CACNA2D2: variants seen among roughly 807,000 people sequenced by gnomAD.
The protein encoded by CACNA2D2 is calcium voltage-gated channel auxiliary subunit alpha2delta 2, also known as voltage-dependent calcium channel subunit alpha-2/delta-2.
In CACNA2D2, 48 loss-of-function variants were observed where a neutral mutation model predicts 166.4. That is an observed-to-expected ratio of 0.29 (90% CI 0.23 to 0.37). The LOEUF (loss-of-function observed/expected upper bound fraction) is 0.37, where lower values mean the gene tolerates loss of function less well. Among genes scored for constraint, CACNA2D2 ranks in the 10% least tolerant of loss-of-function variants. CACNA2D2 has a pLI of 1.00. For synonymous variants in CACNA2D2, 561 were observed against 573.7 expected (o/e 0.98, Z 0.32); for missense variants, 1,122 against 1,433.0 (o/e 0.78, Z 3.50).
At chr3:50,446,373 C>G (rs1708847785) in intron 2 of CACNA2D2, among the ~76,000 whole-genome samples, 1 of 152,230 alleles carries the variant, frequency 6.6e-6, no homozygotes, top group East Asian at 1.9e-4. Flanking sequence ...AACTGAGGCA[C>G]AGAGAGTAAC....
intron 1 of CACNA2D2, among the ~76,000 whole-genome samples, chr3:50,499,115 G>A (rs1424652982): frequency 2.6e-5 from 4 of 152,226 alleles, no homozygotes; most frequent in Non-Finnish European, 5.9e-5. Flanking sequence ...GTGGCCCAAT[G>A]TCTTCCTCAA....
At chr3:50,388,237 A>T (rs1176530532) in intron 4 of CACNA2D2, among the ~76,000 whole-genome samples, 1 of 152,020 alleles carries the variant, frequency 6.6e-6, no homozygotes, top group African/African-American at 2.4e-5. Flanking sequence ...CGTCATAATC[A>T]CCGGCCGCCC....
intron 36 of CACNA2D2, 28 bp from the exon 37 acceptor site, chr3:50,364,998 C>T: frequency 1.3e-6 from 2 of 1,583,048 alleles, no homozygotes. Flanking sequence ...GTCAAGGAGG[C>T]GGACGGCGGC....
chr3:50,474,323 G>GT (rs1397776225), intron 2 of CACNA2D2, among the ~76,000 whole-genome samples: 3 of 152,296 alleles, frequency 2.0e-5, no homozygotes, highest in Middle Eastern at 3.4e-3. Flanking sequence ...AAAAAGGGGC[G>GT]TATCTGTATC....
chr3:50,381,466 C>T (rs587629208), intron 6 of CACNA2D2, among the ~76,000 whole-genome samples: 2 of 152,222 alleles, frequency 1.3e-5, no homozygotes, highest in East Asian at 3.9e-4. Context: ...CAGCATGCTG[C>T]CTGGAGCTAG....
chr3:50,450,133 T>C (rs1342742321), intron 2 of CACNA2D2, among the ~76,000 whole-genome samples: 1 of 152,168 alleles, frequency 6.6e-6, no homozygotes, highest in Non-Finnish European at 1.5e-5. Flanking sequence ...GAAAGCCCAA[T>C]ATTCTTGATT....
intron 1 of CACNA2D2, among the ~76,000 whole-genome samples, chr3:50,494,039 T>G (rs1213807774): frequency 2.0e-5 from 3 of 152,158 alleles, no homozygotes; most frequent in Non-Finnish European, 4.4e-5. Flanking sequence ...ATGGCAGGTT[T>G]CTGGGGTGCA....
At chr3:50,404,513 C>G (rs1706599646) in intron 3 of CACNA2D2, among the ~76,000 whole-genome samples, 1 of 152,210 alleles carries the variant, frequency 6.6e-6, no homozygotes, top group African/African-American at 2.4e-5. Flanking sequence ...CTCAGCACCC[C>G]TGCCCTGGTG....
chr3:50,498,721 G>A lies in CACNA2D2; in HGVS notation c.206+4497C>T, dbSNP rs564201005. Among the ~76,000 whole-genome samples the A allele has an allele frequency of 4.6e-5, 7 of 152,304 alleles. No homozygotes were observed. In the South Asian group the frequency reaches 1.2e-3, roughly 27 times the overall value. ...CAGAGGAGGAAAGAGAGACAGACAG[G>A]GCAAAGTTACAGCTGGAAGTCCCAG... On this transcript the variant is annotated intron_variant, in intron 1 of 37. Transcript: ENST00000424201.
intron 6 of CACNA2D2, among the ~76,000 whole-genome samples, chr3:50,383,848 G>A (rs1301158832): frequency 2.0e-5 from 3 of 152,196 alleles, no homozygotes; most frequent in Admixed American, 6.5e-5. Flanking sequence ...GGGTGGTGAG[G>A]AGTTGCTTCA....
At chr3:50,437,698 T>G (rs547435096) in intron 2 of CACNA2D2, among the ~76,000 whole-genome samples, 1 of 152,146 alleles carries the variant, frequency 6.6e-6, no homozygotes, top group African/African-American at 2.4e-5. Flanking sequence ...GGGAGGTGCT[T>G]TCCACCTGCA....
At chr3:50,467,833 A>T (rs1257355488) in intron 2 of CACNA2D2, among the ~76,000 whole-genome samples, 1 of 152,208 alleles carries the variant, frequency 6.6e-6, no homozygotes, top group East Asian at 1.9e-4. Flanking sequence ...TGGCTCCGTA[A>T]CTTTCTCCAA....
chr3:50,422,629 T>A (rs997358671), intron 3 of CACNA2D2, among the ~76,000 whole-genome samples: 1 of 152,038 alleles, frequency 6.6e-6, no homozygotes, highest in African/African-American at 2.4e-5. Flanking sequence ...TGACCACACT[T>A]CCCCTCAGAA....
rs12638785 is a variant in CACNA2D2, at chr3:50,429,718, C to T, written c.405+4595G>A. On this transcript the variant is annotated intron_variant, in intron 3 of 37. Transcript: ENST00000424201. ...CCGGGAGGCGGAGCTTACAGTAAGC[C>T]GAGATCATGCCACTGCACTCCAGGC... 2.7e-4 allele frequency among the ~76,000 whole-genome samples: 41 copies of T among 150,950 alleles called. No individual in the cohort carries two copies. In the East Asian group the frequency reaches 6.1e-3, roughly 22 times the overall value.
Position 50,503,316 on chromosome 3 carries a change from C to A in CACNA2D2, c.108G>T (p.Pro36=). 1 of 680,104 alleles carries A rather than the reference C, an allele frequency of 1.5e-6. No homozygotes were observed. The highest frequency in any genetic ancestry group is 2.0e-6 in the Non-Finnish European group (1 of 500,842). 42.1% of individuals were successfully genotyped at this position (680,104 alleles called of 1,614,324 possible). A position where few individuals can be genotyped will look rare whatever the true frequency, so the allele number is the denominator to read the frequency against. The change falls in exon 1 of 38, where the codon CCG becomes CCT. Residue 36 remains proline, a synonymous_variant. Coordinates refer to ENST00000424201, the MANE Select transcript of CACNA2D2 (RefSeq NM_006030.4). ...GPHPGPGTRR[P]TSGPPRPLWL... is the part of the protein sequence containing the mutation. Reference sequence around the variant, plus strand: ...ACAGCGGGCGCGGGGGCCCGGACGTCGGGCGCCGGGTGCCGGGGCCAGGGT... The same window carrying A: ...ACAGCGGGCGCGGGGGCCCGGACGTAGGGCGCCGGGTGCCGGGGCCAGGGT...
In CACNA2D2 at chr3:50,380,742, G is replaced by A. The variant is rs775272200; in HGVS notation, c.842+6C>T. On this transcript the variant is annotated splice_donor_region_variant and intron_variant, in intron 8 of 37. Transcript: ENST00000424201. The surrounding 1 kb of genome is among the most constrained non-coding windows in gnomAD (Gnocchi z 4.9). ...GTCCCTCCCCAGCCCCTTCTTGCTC[G>A]CTCACCAGGGTCTCCTTCGGACATC... The A allele has an allele frequency of 1.6e-5, 24 of 1,525,956 alleles. No individual in the cohort carries two copies. The Admixed American group carries it at 2.2e-4, about 14-fold the overall frequency. The allele number at this position is 1,525,956 out of a possible 1,614,324, so 94.5% of individuals were successfully genotyped here.
chr3:50,473,650 C>G (rs888968724), intron 2 of CACNA2D2, among the ~76,000 whole-genome samples: 6 of 152,198 alleles, frequency 3.9e-5, no homozygotes, highest in Admixed American at 2.6e-4. Context: ...GGACCGTCTT[C>G]GTGTGCATTT....
intron 1 of CACNA2D2, among the ~76,000 whole-genome samples, chr3:50,482,095 G>A (rs1395068023): frequency 2.6e-5 from 4 of 152,200 alleles, no homozygotes; most frequent in African/African-American, 4.8e-5. Flanking sequence ...GCAGTCTTCT[G>A]AAGGGGAAAG....
In CACNA2D2 at chr3:50,377,821, T is replaced by C; in HGVS notation, c.1480-18A>G. 1 of 1,608,540 alleles carries C rather than the reference T, an allele frequency of 6.2e-7. No individual in the cohort carries two copies. Among genetic ancestry groups the C allele is most frequent in the Non-Finnish European group, 8.5e-7 (1 of 1,176,624 alleles). On this transcript the variant is annotated intron_variant, in intron 15 of 37. Transcript: ENST00000424201. ...CCCAGTCCCTGAAGGGAGAGGAAGA[T>C]GATGGAGTCACCTGTGGCCAGCACT...
Sources: allele counts gnomAD v4.1 joint callset (sites outside exome capture counted in the v4.1 genomes callset), GRCh38; gene constraint gnomAD v4.1.1; non-coding constraint Gnocchi (gnomAD v3.1); transcripts MANE v1.5; gene names NCBI Gene and HGNC (gene_info 2026-07-23, HGNC 2026-07-21).